The following CCSER2 variants were observed in gnomAD, a reference collection of about 807,000 sequenced individuals.
The protein encoded by CCSER2 is coiled-coil serine rich protein 2.
CCSER2 carries 46 observed loss-of-function variants against 92.3 expected under a neutral mutation model. That is an observed-to-expected ratio of 0.50 (90% CI 0.39 to 0.64). The LOEUF is 0.64. Ranked by LOEUF, CCSER2 falls within the 30% of genes least tolerant of loss-of-function variation. The pLI is 0.00. For missense variants in CCSER2, 1,244 were observed against 1,238.9 expected (o/e 1.00, Z -0.06); for synonymous variants, 433 against 431.4 (o/e 1.00, Z -0.04).
Position 84,509,542 on chromosome 10 carries a change from G to A in CCSER2, c.2326-3907G>A, listed in dbSNP as rs75290870. On this transcript the variant is annotated intron_variant, in intron 9 of 9. Coordinates refer to ENST00000372088, the MANE Select transcript of CCSER2 (RefSeq NM_001284240.2). Reference sequence around the variant, plus strand: ...TATTGCTGACATTATTGAACTTGACGCATGGAACTCTTTAATCTGAGAATT... The same window carrying A: ...TATTGCTGACATTATTGAACTTGACACATGGAACTCTTTAATCTGAGAATT... 6.2e-3 allele frequency among the ~76,000 whole-genome samples: 947 copies of A among 152,230 alleles called. 6 individuals carry two copies. The highest frequency in any genetic ancestry group is 0.019 in the East Asian group (100 of 5,188).
intron 7 of CCSER2, among the ~76,000 whole-genome samples, chr10:84,465,314 ATTTTTTTTTTT>A (rs34510394): frequency 1.8e-4 from 9 of 49,898 alleles, no homozygotes; most frequent in African/African-American, 3.2e-4. Flanking sequence ...ACATGTAAAG[ATTTTTTTTTTT>A]TTTTTTTTTT....
chr10:84,368,799 A>G (rs576861720), intron 1 of CCSER2, among the ~76,000 whole-genome samples: 3 of 152,192 alleles, frequency 2.0e-5, no homozygotes, highest in African/African-American at 4.8e-5. Context: ...ATTGTACCCT[A>G]CTACATTGTG....
At chr10:84,354,554 C>T (rs1391950083) in intron 1 of CCSER2, among the ~76,000 whole-genome samples, 5 of 132,504 alleles carry the variant, frequency 3.8e-5, no homozygotes, top group Non-Finnish European at 6.4e-5. Context: ...CCGCCCCCCG[C>T]CCCGCTTCCC....
chr10:84,385,470 G>A (rs1365354373), intron 3 of CCSER2, among the ~76,000 whole-genome samples: 1 of 152,148 alleles, frequency 6.6e-6, no homozygotes, highest in African/African-American at 2.4e-5. Flanking sequence ...ACATCTGACT[G>A]AACTTCGACA....
intron 5 of CCSER2, among the ~76,000 whole-genome samples, chr10:84,426,647 G>A (rs1564651055): frequency 6.6e-6 from 1 of 152,040 alleles, no homozygotes; most frequent in South Asian, 2.1e-4. Context: ...CATTCCACAG[G>A]GATTTCAGGT....
At chr10:84,360,616 AG>A in intron 1 of CCSER2, among the ~76,000 whole-genome samples, 1 of 148,294 alleles carries the variant, frequency 6.7e-6, no homozygotes, top group African/African-American at 2.6e-5. Context: ...CCAATGTCTC[AG>A]TCAACCCCTT....
chr10:84,499,422 A>G (rs919348734), intron 9 of CCSER2, among the ~76,000 whole-genome samples: 2 of 152,148 alleles, frequency 1.3e-5, no homozygotes, highest in African/African-American at 4.8e-5. Context: ...GCGTGAGCCC[A>G]CTGCACCCGG....
At chr10:84,512,416 G>GAGAGAGAGAGGGGGAGGAGA (rs1462155372) in intron 9 of CCSER2, among the ~76,000 whole-genome samples, 1 of 112,148 alleles carries the variant, frequency 8.9e-6, no homozygotes. Flanking sequence ...GAGAGAGAGA[G>GAGAGAGAGAGGGGGAGGAGA]GAGAGAGATA....
intron 6 of CCSER2, among the ~76,000 whole-genome samples, chr10:84,441,736 G>GGTTTTT (rs1844561798): frequency 2.3e-5 from 1 of 43,598 alleles, no homozygotes; most frequent in African/African-American, 7.3e-5. Flanking sequence ...CTGGGAAAAT[G>GGTTTTT]TTTTTTTTTT....
At chr10:84,411,227 C>T (rs755153630) in intron 3 of CCSER2, among the ~76,000 whole-genome samples, 5 of 152,018 alleles carry the variant, frequency 3.3e-5, no homozygotes, top group Non-Finnish European at 7.4e-5. Flanking sequence ...TGTATATAGG[C>T]TCCTGGGTGC....
chr10:84,513,676 G>T lies in CCSER2; in HGVS notation c.2553G>T (p.Val851=). 6.4e-7 allele frequency: 1 copy of T among 1,555,606 alleles called. No individual in the cohort carries two copies. Residue 851 remains valine, a synonymous_variant, in exon 10 of 10, where the codon GTG becomes GTT. Transcript: ENST00000372088. ...CAGGCCCACAATTAACAATGGATGT[G>T]GCTAAGAGTACACCTTCTGAAGCAA... The part of the protein sequence containing the change: ...FSSGPQLTMD[V]AKSTPSEANL...
chr10:84,391,557 C>A, intron 3 of CCSER2: 1 of 1,487,984 alleles, frequency 6.7e-7, no homozygotes, highest in Non-Finnish European at 9.4e-7. Flanking sequence ...TGCAACAATG[C>A]CACATAGGCA....
intron 5 of CCSER2, among the ~76,000 whole-genome samples, chr10:84,437,170 GAGAGAC>G (rs1589662310): frequency 6.6e-6 from 1 of 151,726 alleles, no homozygotes; most frequent in Admixed American, 6.6e-5. Context: ...GAGAGAGAGA[GAGAGAC>G]AGAGAGACAG....
In CCSER2 at chr10:84,425,049, G is replaced by A. The variant is rs1481944051; in HGVS notation, c.1706-682G>A. 20 of 972,926 alleles carry A rather than the reference G, an allele frequency of 2.1e-5. No homozygotes were observed. In the Admixed American group the frequency reaches 1.1e-3, roughly 54 times the overall value. 60.3% of individuals were successfully genotyped at this position (972,926 alleles called of 1,614,324 possible). A position where few individuals can be genotyped will look rare whatever the true frequency, so the allele number is the denominator to read the frequency against. On this transcript the variant is annotated intron_variant, in intron 4 of 9. Coordinates refer to ENST00000372088, the MANE Select transcript of CCSER2 (RefSeq NM_001284240.2). Reference sequence around the variant, plus strand: ...AGATATGTGAGGAAAAAGTATTTGGGTAAGTGAAGAAGCTTGGGGTGTTTC... The same window carrying A: ...AGATATGTGAGGAAAAAGTATTTGGATAAGTGAAGAAGCTTGGGGTGTTTC...
At chr10:84,415,894 A>T (rs941080462) in intron 3 of CCSER2, among the ~76,000 whole-genome samples, 8 of 152,160 alleles carry the variant, frequency 5.3e-5, no homozygotes, top group African/African-American at 1.9e-4. Context: ...GTGCCGTGCA[A>T]GTGGGCCTGC....
chr10:84,391,016 A>G (rs1322052431), intron 3 of CCSER2: 16 of 774,676 alleles, frequency 2.1e-5, no homozygotes, highest in Non-Finnish European at 3.4e-5. Context: ...GTGCTTTACA[A>G]TGCCTTAGGA....
intron 9 of CCSER2, among the ~76,000 whole-genome samples, chr10:84,482,638 C>T (rs1183392073): frequency 6.6e-6 from 1 of 152,090 alleles, no homozygotes; most frequent in East Asian, 1.9e-4. Context: ...TTTGTTTGAA[C>T]ACCTCAAGTT....
At chr10:84,428,115 A>T (rs1157134426) in intron 5 of CCSER2, among the ~76,000 whole-genome samples, 1 of 152,096 alleles carries the variant, frequency 6.6e-6, no homozygotes, top group African/African-American at 2.4e-5. Flanking sequence ...GTTCATGTAC[A>T]TGAGTCATTT....
intron 1 of CCSER2, among the ~76,000 whole-genome samples, chr10:84,333,514 C>G (rs1008553077): frequency 4.6e-5 from 7 of 152,162 alleles, no homozygotes; most frequent in Admixed American, 2.6e-4. Context: ...AAAGTATTAT[C>G]TTATTATCCA....
Sources: gnomAD v4.1 joint callset for allele counts (sites outside exome capture counted in the v4.1 genomes callset) on GRCh38, gnomAD v4.1.1 for gene constraint, MANE v1.5 for transcripts, NCBI Gene and HGNC (gene_info 2026-07-23, HGNC 2026-07-21) for gene names.